CD247: variants seen among roughly 807,000 people sequenced by gnomAD.
CD247 encodes the protein CD247 molecule, also known as T-cell surface glycoprotein CD3 zeta chain.
Under a neutral mutation model 30.0 loss-of-function variants are expected in CD247, and 13 were observed. That is an observed-to-expected ratio of 0.43 (90% CI 0.28 to 0.69). The LOEUF is 0.69. Among genes scored for constraint, CD247 ranks in the 30% least tolerant of loss-of-function variants. The probability of loss-of-function intolerance (pLI) is 0.16; values close to 1 mark genes in which losing one functional copy is unlikely to be tolerated. For missense variants in CD247, 193 were observed against 212.6 expected (o/e 0.91, Z 0.57); for synonymous variants, 72 against 80.0 (o/e 0.90, Z 0.53).
chr1:167,475,717 A>C lies in CD247; in HGVS notation c.59-34950T>G, dbSNP rs564795899. 1.6e-4 allele frequency among the ~76,000 whole-genome samples: 24 copies of C among 152,358 alleles called. No homozygotes were observed. In the South Asian group the frequency reaches 1.9e-3, roughly 12 times the overall value. The stretch of plus-strand genomic sequence containing the variant: ...AGGAGGCAGAGGAACACGTTAAATG[A>C]CACCACAGGGATGCAATCAGCAAAA... On this transcript the variant is annotated intron_variant, in intron 1 of 7. Transcript: ENST00000362089.
At chr1:167,491,094 C>A (rs188138093) in intron 1 of CD247, among the ~76,000 whole-genome samples, 3 of 152,066 alleles carry the variant, frequency 2.0e-5, no homozygotes, top group African/African-American at 7.3e-5. Context: ...AGTTTTGGCA[C>A]GTCTTGCCTC....
At chr1:167,457,157 G>A (rs965458134) in intron 1 of CD247, among the ~76,000 whole-genome samples, 2 of 152,206 alleles carry the variant, frequency 1.3e-5, no homozygotes, top group African/African-American at 4.8e-5. Flanking sequence ...GCATGGTGGG[G>A]GTCTCAGGCT....
chr1:167,473,092 TACACAC>T lies in CD247; in HGVS notation c.59-32331_59-32326del, dbSNP rs35004482. Among the ~76,000 whole-genome samples the T allele has an allele frequency of 1.5e-3, 222 of 146,630 alleles. 2 individuals are homozygous for T. Among genetic ancestry groups the T allele is most frequent in the African/African-American group, 4.4e-3 (175 of 39,666 alleles). On this transcript the variant is annotated intron_variant, in intron 1 of 7. Coordinates refer to ENST00000362089, the MANE Select transcript of CD247 (RefSeq NM_198053.3). ...CTCCTTAGGCGTCTTCTTCAAGTTT[TACACAC>T]ACACACACACACACACACACACACA...
In CD247 at chr1:167,500,782, C is replaced by T. The variant is rs190753549; in HGVS notation, c.58+17626G>A. On this transcript the variant is annotated intron_variant, in intron 1 of 7. Coordinates refer to ENST00000362089, the MANE Select transcript of CD247 (RefSeq NM_198053.3). ...CAATCACATTTGGTTTTCCATTTCACTCTAGTAAGAGGGTTATCGGCCTTG... is the reference window on the plus strand; with the variant it reads ...CAATCACATTTGGTTTTCCATTTCATTCTAGTAAGAGGGTTATCGGCCTTG... 7.2e-5 allele frequency among the ~76,000 whole-genome samples: 11 copies of T among 152,336 alleles called. No homozygotes were observed. The East Asian group carries it at 2.1e-3, about 29-fold the overall frequency.
chr1:167,448,916 T>C (rs1308617010), intron 1 of CD247, among the ~76,000 whole-genome samples: 1 of 152,138 alleles, frequency 6.6e-6, no homozygotes, highest in Non-Finnish European at 1.5e-5. Flanking sequence ...CTTAATTCTC[T>C]CCTCAGTGTC....
At chr1:167,438,020 GAGGAAGGAAGGAAGGA>G (rs57753052) in intron 4 of CD247, among the ~76,000 whole-genome samples, 47 of 150,874 alleles carry the variant, frequency 3.1e-4, no homozygotes, top group African/African-American at 9.6e-4. Context: ...AATAAAGACA[GAGGAAGGAAGGAAGGA>G]AGGAAGGAAG....
chr1:167,518,059 G>A (rs564931186), intron 1 of CD247, among the ~76,000 whole-genome samples: 1 of 152,288 alleles, frequency 6.6e-6, no homozygotes, highest in African/African-American at 2.4e-5. Flanking sequence ...GACATTTTCC[G>A]ATCCTGTCCA....
Position 167,470,517 on chromosome 1 carries a change from A to G in CD247, c.59-29750T>C, listed in dbSNP as rs796785564. Among the ~76,000 whole-genome samples, 100 of 150,622 alleles carry G rather than the reference A, an allele frequency of 6.6e-4. No individual in the cohort carries two copies. In the East Asian group the frequency reaches 0.012, roughly 18 times the overall value. On this transcript the variant is annotated intron_variant, in intron 1 of 7. Transcript: ENST00000362089. ...AAATGTTAATTGTAAAAAAAAAAAA[A>G]AAAAAAAAAAGAAACAAGGAAAATA...
intron 3 of CD247, 23 bp downstream of exon 3, chr1:167,439,321 G>A (rs1440803879): frequency 6.2e-7 from 1 of 1,610,840 alleles, no homozygotes. Flanking sequence ...CTTTCCGGAG[G>A]GTCTACGGCG....
chr1:167,481,204 T>C (rs1653960369), intron 1 of CD247, among the ~76,000 whole-genome samples: 1 of 152,148 alleles, frequency 6.6e-6, no homozygotes, highest in East Asian at 1.9e-4. Flanking sequence ...GGAGGATCAC[T>C]TAAGCCTGAG....
chr1:167,437,643 A>G (rs1405680733), intron 4 of CD247, among the ~76,000 whole-genome samples: 2 of 152,156 alleles, frequency 1.3e-5, no homozygotes, highest in Non-Finnish European at 2.9e-5. Flanking sequence ...GTTCTCACCT[A>G]TATGTGGAAT....
At chr1:167,484,731 C>A (rs1387035446) in intron 1 of CD247, among the ~76,000 whole-genome samples, 5 of 152,200 alleles carry the variant, frequency 3.3e-5, no homozygotes, top group Non-Finnish European at 5.9e-5. Context: ...GAGCCGAGAT[C>A]GCGCCACCGC....
chr1:167,490,679 TC>T (rs1453973449), intron 1 of CD247, among the ~76,000 whole-genome samples: 1 of 151,804 alleles, frequency 6.6e-6, no homozygotes, highest in East Asian at 1.9e-4. Context: ...ACGCCTGTAA[TC>T]CCAGCCCTTT....
chr1:167,445,876 A>C (rs1012142927), intron 1 of CD247, among the ~76,000 whole-genome samples: 17 of 152,092 alleles, frequency 1.1e-4, no homozygotes, highest in African/African-American at 4.1e-4. Context: ...CTCACATCCA[A>C]CTAATAAGGA....
chr1:167,455,708 G>A, intron 1 of CD247, among the ~76,000 whole-genome samples: 1 of 152,198 alleles, frequency 6.6e-6, no homozygotes, highest in African/African-American at 2.4e-5. Context: ...AACCGCACCC[G>A]CCCCCAGGCC....
chr1:167,467,001 T>G (rs967074366), intron 1 of CD247, among the ~76,000 whole-genome samples: 104 of 152,116 alleles, frequency 6.8e-4, no homozygotes, highest in Admixed American at 5.3e-3. Context: ...CACCGCGCCC[T>G]GCTAATTTTT....
intron 1 of CD247, among the ~76,000 whole-genome samples, chr1:167,477,390 A>G (rs1653794832): frequency 6.6e-6 from 1 of 152,194 alleles, no homozygotes; most frequent in Admixed American, 6.5e-5. Context: ...TTTTTTTCCA[A>G]ACAGACCCAG....
chr1:167,475,760 T>G (rs1653719009), intron 1 of CD247, among the ~76,000 whole-genome samples: 1 of 152,158 alleles, frequency 6.6e-6, no homozygotes, highest in African/African-American at 2.4e-5. Context: ...CTGTGGGAGA[T>G]TCTGTGGCAC....
At chr1:167,462,237 C>A (rs997459814) in intron 1 of CD247, among the ~76,000 whole-genome samples, 1 of 152,208 alleles carries the variant, frequency 6.6e-6, no homozygotes, top group African/African-American at 2.4e-5. Flanking sequence ...GGACATGGAC[C>A]AAGTTGGGAT....
Sources: allele counts gnomAD v4.1 joint callset (sites outside exome capture counted in the v4.1 genomes callset), GRCh38; gene constraint gnomAD v4.1.1; transcripts MANE v1.5; gene names NCBI Gene and HGNC (gene_info 2026-07-23, HGNC 2026-07-21).